DCAF8: variants seen among roughly 807,000 people sequenced by gnomAD.
DCAF8 encodes DDB1- and CUL4-associated factor 8.
DCAF8 carries 20 observed loss-of-function variants against 68.0 expected under a neutral mutation model. The observed-to-expected ratio is 0.29, with a 90% confidence interval of 0.21 to 0.43. The LOEUF (loss-of-function observed/expected upper bound fraction) is 0.43. DCAF8 is among the 20% of genes least tolerant of loss of function. The pLI is 1.00. For missense variants in DCAF8, 460 were observed against 771.0 expected, an observed-to-expected ratio of 0.60 and a Z score of 4.78; for synonymous variants, 230 against 276.9, an observed-to-expected ratio of 0.83 and a Z score of 1.68.
intron 5 of DCAF8, among the ~76,000 whole-genome samples, chr1:160,237,528 T>C (rs1240717034): frequency 2.6e-5 from 4 of 151,918 alleles, no homozygotes; most frequent in African/African-American, 9.7e-5. Flanking sequence ...CCATTAGAGT[T>C]CATTTTCTTT....
chr1:160,220,464 T>C (rs1019367592), intron 11 of DCAF8: 2 of 152,190 alleles, frequency 1.3e-5, no homozygotes, highest in Non-Finnish European at 2.9e-5. Flanking sequence ...AGTACCTGAA[T>C]TGGAGCCTGC....
At chr1:160,243,739 T>C (rs1005685367) in intron 3 of DCAF8, among the ~76,000 whole-genome samples, 5 of 152,324 alleles carry the variant, frequency 3.3e-5, no homozygotes, top group African/African-American at 1.2e-4. Context: ...CTCTTAGAAG[T>C]ACAGCTCTGT....
At chr1:160,218,583 T>A in intron 12 of DCAF8, 143 bp from the exon 13 acceptor site, 2 of 792,248 alleles carry the variant, frequency 2.5e-6, no homozygotes, top group Non-Finnish European at 2.1e-6. Context: ...ATGCCCTAGG[T>A]TCAGCTGCTG....
Position 160,217,555 on chromosome 1 carries a change from T to A in DCAF8, c.*37A>T. The A allele has an allele frequency of 6.6e-7, 1 of 1,515,048 alleles. No individual in the cohort carries two copies. The highest frequency in any genetic ancestry group is 9.1e-7 in the Non-Finnish European group (1 of 1,097,088). 93.9% of individuals were successfully genotyped at this position (1,515,048 alleles called of 1,614,324 possible). A position where few individuals can be genotyped will look rare whatever the true frequency, so the allele number is the denominator to read the frequency against. ...AAAGGGTTGCCCAGGCAGGATCAGG[T>A]TGGCAGCCCCAGCCTGCCCCACCTA... is the stretch of plus-strand genomic sequence containing the variant. On this transcript the variant is annotated 3_prime_UTR_variant, in exon 14 of 14. Transcript: ENST00000368074.
intron 2 of DCAF8, among the ~76,000 whole-genome samples, 198 bp downstream of exon 2, chr1:160,261,087 T>C (rs1657070566): frequency 6.6e-6 from 1 of 152,176 alleles, no homozygotes; most frequent in Admixed American, 6.5e-5. Context: ...ACAGCAATAG[T>C]TTAGGACAGA....
chr1:160,217,725 C>T lies in DCAF8; in HGVS notation c.1678-17G>A, dbSNP rs1382035534. 1.2e-6 allele frequency: 2 copies of T among 1,601,778 alleles called. No homozygotes were observed. The highest frequency in any genetic ancestry group is 1.7e-6 in the Non-Finnish European group (2 of 1,169,090). On this transcript the variant is annotated splice_polypyrimidine_tract_variant and intron_variant, in intron 13 of 13. Transcript: ENST00000368074. ...TCGCCAGCGCTGTGGATGGGAAAGG[C>T]TTGTTAGTAACTTCCCTGGATGGAA...
chr1:160,255,204 T>G (rs566122198), intron 2 of DCAF8, among the ~76,000 whole-genome samples: 1 of 152,348 alleles, frequency 6.6e-6, no homozygotes, highest in South Asian at 2.1e-4. Flanking sequence ...TTTCAAGTAT[T>G]CATGTTCTAC....
At chr1:160,248,825 T>A (rs574941852) in intron 2 of DCAF8, among the ~76,000 whole-genome samples, 3 of 151,294 alleles carry the variant, frequency 2.0e-5, no homozygotes, top group South Asian at 4.2e-4. Context: ...GTCTAGGAGT[T>A]CAAGGCTGCA....
At chr1:160,242,950 T>C (rs1244367116) in intron 3 of DCAF8, among the ~76,000 whole-genome samples, 2 of 152,178 alleles carry the variant, frequency 1.3e-5, no homozygotes, top group Non-Finnish European at 2.9e-5. Flanking sequence ...ACCACTTTCC[T>C]TTACAAAAGA....
At chr1:160,246,513 T>G (rs2101753005) in intron 2 of DCAF8, among the ~76,000 whole-genome samples, 1 of 152,320 alleles carries the variant, frequency 6.6e-6, no homozygotes, top group Admixed American at 6.5e-5. Flanking sequence ...AGGAACCTGA[T>G]GCTCACAGGT....
chr1:160,230,034 T>A (rs368423134), intron 7 of DCAF8, among the ~76,000 whole-genome samples: 2 of 151,444 alleles, frequency 1.3e-5, no homozygotes, highest in East Asian at 1.9e-4. Context: ...AAAAAAAAAA[T>A]CTATGGCTAC....
chr1:160,260,129 C>T (rs1365434673), intron 2 of DCAF8, among the ~76,000 whole-genome samples: 2 of 151,258 alleles, frequency 1.3e-5, no homozygotes, highest in Non-Finnish European at 2.9e-5. Context: ...GTGTGTACCA[C>T]GTGTTCTTAG....
chr1:160,249,133 G>A (rs1036363447), intron 2 of DCAF8, among the ~76,000 whole-genome samples: 8 of 152,116 alleles, frequency 5.3e-5, no homozygotes, highest in African/African-American at 1.9e-4. Context: ...GAGGTTGCAA[G>A]TGAGCTGAGA....
chr1:160,256,015 T>TA (rs1401061392), intron 2 of DCAF8, among the ~76,000 whole-genome samples: 3,235 of 123,670 alleles, frequency 0.026, 134 homozygotes, highest in African/African-American at 0.13. Context: ...AAGCAAACTT[T>TA]TTTTTTTTTT....
chr1:160,249,049 GGGT>G (rs71774677), intron 2 of DCAF8, among the ~76,000 whole-genome samples: 10,571 of 152,092 alleles, frequency 0.07, 1,257 homozygotes, highest in African/African-American at 0.24. Flanking sequence ...AATTAGCTGG[GGGT>G]GGTGGCACAT....
Position 160,236,617 on chromosome 1 carries a change from T to C in DCAF8, c.959+518A>G, listed in dbSNP as rs544709190. Among the ~76,000 whole-genome samples the C allele has an allele frequency of 1.3e-4, 20 of 152,244 alleles. No homozygotes were observed. In the South Asian group the frequency reaches 4.1e-3, roughly 32 times the overall value. ...TAGGTCTGCCTGGATCCAAACAAGA[T>C]GTTGTGTTTTTTCTATGATACCACA... On this transcript the variant is annotated intron_variant, in intron 6 of 13. Transcript: ENST00000368074.
intron 2 of DCAF8, among the ~76,000 whole-genome samples, chr1:160,254,500 GGTTTTTTTTTTGGCC>G (rs2101768055): frequency 6.7e-6 from 1 of 148,300 alleles, no homozygotes; most frequent in East Asian, 2.0e-4. Context: ...GAAAAGCCCT[GGTTTTTTTTTTGGCC>G]AGGTACCATG....
intron 2 of DCAF8, among the ~76,000 whole-genome samples, chr1:160,252,532 T>G (rs1439448457): frequency 6.6e-6 from 1 of 152,152 alleles, no homozygotes; most frequent in Non-Finnish European, 1.5e-5. Context: ...TGGTAAGGTA[T>G]AGTTGATTAG....
At chr1:160,225,926 C>T (rs1470910376) in intron 7 of DCAF8, among the ~76,000 whole-genome samples, 1 of 152,166 alleles carries the variant, frequency 6.6e-6, no homozygotes, top group Non-Finnish European at 1.5e-5. Context: ...TCACTGCAAC[C>T]TCCGCCTCAT....
Sources: allele counts gnomAD v4.1 joint callset (sites outside exome capture counted in the v4.1 genomes callset), GRCh38; gene constraint gnomAD v4.1.1; transcripts MANE v1.5; gene names NCBI Gene and HGNC (gene_info 2026-07-23, HGNC 2026-07-21).